The following PPARGC1A variants were observed in gnomAD, a reference collection of about 807,000 sequenced individuals.
The protein encoded by PPARGC1A is peroxisome proliferator-activated receptor gamma coactivator 1-alpha.
A neutral mutation model predicts 88.7 loss-of-function variants in PPARGC1A; 25 were observed. That is an observed-to-expected ratio of 0.28 (90% CI 0.21 to 0.39). The LOEUF is 0.39. PPARGC1A is among the 10% of genes least tolerant of loss of function. PPARGC1A has a pLI of 1.00. For missense variants in PPARGC1A, 880 were observed against 968.7 expected (o/e 0.91, Z 1.22); for synonymous variants, 363 against 355.6 (o/e 1.02, Z -0.24).
intron 1 of PPARGC1A, among the ~76,000 whole-genome samples, chr4:23,897,235 A>G (rs1718702693): frequency 1.3e-5 from 2 of 152,322 alleles, no homozygotes; most frequent in South Asian, 4.1e-4. Flanking sequence ...TTGTAAGAAG[A>G]GGAGTAATGA....
the PPARGC1A span, among the ~76,000 whole-genome samples, chr4:24,124,669 AT>A: frequency 6.2e-4 from 92 of 148,116 alleles, no homozygotes; most frequent in Middle Eastern, 3.5e-3. Context: ...AGGTAGAAGC[AT>A]TTTTTTTTTT....
chr4:23,912,929 C>T, the PPARGC1A span, among the ~76,000 whole-genome samples: 11 of 151,084 alleles, frequency 7.3e-5, no homozygotes, highest in Admixed American at 2.0e-4. Flanking sequence ...GCTGGGACTA[C>T]AGGCGCCCAC....
chr4:23,853,833 A>T (rs1439737363), intron 2 of PPARGC1A, among the ~76,000 whole-genome samples: 1 of 152,200 alleles, frequency 6.6e-6, no homozygotes, highest in Admixed American at 6.5e-5. Flanking sequence ...CAAACAATAA[A>T]GTAAACAAGG....
chr4:24,150,128 A>C, the PPARGC1A span, among the ~76,000 whole-genome samples: 1 of 152,188 alleles, frequency 6.6e-6, no homozygotes, highest in African/African-American at 2.4e-5. Context: ...CAGTAGTGCA[A>C]ACAAGGTGAG....
At chr4:24,362,492 A>G in the PPARGC1A span, among the ~76,000 whole-genome samples, 2 of 152,034 alleles carry the variant, frequency 1.3e-5, no homozygotes, top group Non-Finnish European at 2.9e-5. Context: ...GTTTTTTCTA[A>G]AGTAGGTGCA....
chr4:24,421,564 G>A, the PPARGC1A span, among the ~76,000 whole-genome samples: 1,567 of 152,134 alleles, frequency 0.01, 18 homozygotes, highest in African/African-American at 0.036. Flanking sequence ...ACCCGCCTCC[G>A]CCTCCCAAAG....
chr4:24,163,058 A>G, the PPARGC1A span, among the ~76,000 whole-genome samples: 2 of 151,648 alleles, frequency 1.3e-5, no homozygotes, highest in African/African-American at 4.9e-5. Flanking sequence ...ATATTGTCAT[A>G]TGCATATGTT....
At chr4:24,141,592 A>C in the PPARGC1A span, among the ~76,000 whole-genome samples, 2,240 of 152,350 alleles carry the variant, frequency 0.015, 66 homozygotes, top group African/African-American at 0.051. Context: ...AAAATGGTGC[A>C]TGCTTCCCCC....
In PPARGC1A at chr4:23,813,076, T is replaced by A. The variant is rs1310374821; in HGVS notation, c.1843A>T (p.Asn615Tyr). The A allele has an allele frequency of 1.9e-6, 3 of 1,614,052 alleles. No individual in the cohort carries two copies. Among genetic ancestry groups the A allele is most frequent in the African/African-American group, 2.7e-5 (2 of 75,022 alleles). ...SSHYRHRTHR[N>Y]SPLYVRSRSR... ...CGTGATCTCACATACAAGGGAGAAT[T>A]TCGGTGCGTGCGGTGTCTGTAGTGG... The change falls in exon 9 of 13, where the codon AAT becomes TAT. Residue 615 changes from asparagine (N) to tyrosine (Y), a missense_variant. Coordinates refer to ENST00000264867, the MANE Select transcript of PPARGC1A (RefSeq NM_013261.5).
the PPARGC1A span, among the ~76,000 whole-genome samples, chr4:24,174,328 G>A: frequency 2.6e-5 from 4 of 152,246 alleles, no homozygotes; most frequent in Non-Finnish European, 4.4e-5. Context: ...CTTATTAAAC[G>A]CCCAGAGATT....
the PPARGC1A span, among the ~76,000 whole-genome samples, chr4:24,470,702 GC>G: frequency 6.6e-6 from 1 of 151,830 alleles, no homozygotes; most frequent in Non-Finnish European, 1.5e-5. The surrounding 1 kb of genome is among the most constrained non-coding windows in gnomAD (Gnocchi z 5.8). Flanking sequence ...CCCGGGGGCA[GC>G]CCAGACGCCC....
the PPARGC1A span, among the ~76,000 whole-genome samples, chr4:24,274,123 A>G: frequency 6.6e-6 from 1 of 152,124 alleles, no homozygotes; most frequent in African/African-American, 2.4e-5. Context: ...AATTTATCCC[A>G]GTATCATATT....
the PPARGC1A span, among the ~76,000 whole-genome samples, chr4:24,375,340 C>G: frequency 2.8e-4 from 42 of 152,244 alleles, no homozygotes; most frequent in African/African-American, 9.9e-4. Flanking sequence ...TTATCGGCCA[C>G]CATTTGGATT....
the PPARGC1A span, among the ~76,000 whole-genome samples, chr4:24,369,132 T>A: frequency 6.6e-6 from 1 of 152,182 alleles, no homozygotes; most frequent in Non-Finnish European, 1.5e-5. Context: ...TCAGCATTAC[T>A]GGAGAAAAAA....
the PPARGC1A span, among the ~76,000 whole-genome samples, chr4:24,158,152 A>G: frequency 1.5e-3 from 227 of 151,376 alleles, no homozygotes; most frequent in African/African-American, 4.9e-3. Context: ...GATCTTTGCA[A>G]TAGTTATTGC....
the PPARGC1A span, among the ~76,000 whole-genome samples, chr4:24,281,114 G>C: frequency 4.9e-4 from 74 of 152,292 alleles, no homozygotes; most frequent in African/African-American, 1.7e-3. Flanking sequence ...TTGACATGTG[G>C]CATATACATG....
At chr4:24,344,073 C>G in the PPARGC1A span, among the ~76,000 whole-genome samples, 1 of 150,460 alleles carries the variant, frequency 6.6e-6, no homozygotes, top group Non-Finnish European at 1.5e-5. Context: ...GCTGTTAATT[C>G]ATTCCTTTTT....
At chr4:24,177,030 T>C in the PPARGC1A span, among the ~76,000 whole-genome samples, 1 of 152,198 alleles carries the variant, frequency 6.6e-6, no homozygotes, top group Non-Finnish European at 1.5e-5. Flanking sequence ...GACTGTAAAC[T>C]AGTTCAACCA....
chr4:24,387,608 A>C, the PPARGC1A span, among the ~76,000 whole-genome samples: 1 of 151,860 alleles, frequency 6.6e-6, no homozygotes, highest in East Asian at 2.0e-4. Flanking sequence ...CTGGTAGCGC[A>C]TGCTGGTAGG....
Sources: gnomAD v4.1 joint callset for allele counts (sites outside exome capture counted in the v4.1 genomes callset) on GRCh38, gnomAD v4.1.1 for gene constraint, Gnocchi (gnomAD v3.1) non-coding constraint, MANE v1.5 for transcripts, NCBI Gene and HGNC (gene_info 2026-07-23, HGNC 2026-07-21) for gene names.